Variants in SESTD1 observed in about 807,000 individuals in gnomAD.
SESTD1 encodes the protein SEC14 and spectrin domain containing 1, also known as SEC14 domain and spectrin repeat-containing protein 1.
In SESTD1, 43 loss-of-function variants were observed where a neutral mutation model predicts 101.7. That is an observed-to-expected ratio of 0.42 (90% CI 0.33 to 0.55). The LOEUF is 0.55. SESTD1 is among the 20% of genes least tolerant of loss of function. The pLI is 0.07. For synonymous variants in SESTD1, 283 were observed against 286.8 expected (o/e 0.99, Z 0.13); for missense variants, 647 against 815.1 (o/e 0.79, Z 2.51).
rs2044324968 is a variant in SESTD1 at position 179,103,874 on chromosome 2, A to G, written c.*6025T>C. 1 of 152,176 alleles carries G rather than the reference A, an allele frequency of 6.6e-6. No homozygotes were observed. The allele number at this position is 152,176 out of a possible 1,614,324, so 9.4% of individuals were successfully genotyped here. On this transcript the variant is annotated 3_prime_UTR_variant, in exon 18 of 18. Transcript: ENST00000428443. ...ATTTCTATGCACTTCATTGCATGCTAATTTTATGTAAAAAAGCCAACAATG... is the reference window on the plus strand; with the variant it reads ...ATTTCTATGCACTTCATTGCATGCTGATTTTATGTAAAAAAGCCAACAATG...
At position 179,102,763 on chromosome 2, in the gene SESTD1, G is replaced by C. The variant is rs2044299420; in HGVS notation, c.*7136C>G. On this transcript the variant is annotated 3_prime_UTR_variant, in exon 18 of 18. Coordinates refer to ENST00000428443, the MANE Select transcript of SESTD1 (RefSeq NM_178123.5). ...GAGTGGATAAGAGAGTCATCAGAGT[G>C]TGAAAAAACTACAGCTGGGTGGTAT... 6.6e-6 allele frequency: 1 copy of C among 152,054 alleles called. No homozygotes were observed. The highest frequency in any genetic ancestry group is 2.1e-4 in the South Asian group (1 of 4,830). The allele number at this position is 152,054 out of a possible 1,614,324, so 9.4% of individuals were successfully genotyped here.
intron 1 of SESTD1, among the ~76,000 whole-genome samples, chr2:179,197,507 T>A (rs1377505412): frequency 6.6e-6 from 1 of 151,966 alleles, no homozygotes; most frequent in Non-Finnish European, 1.5e-5. Context: ...CACGTAATTG[T>A]CAGATTCACC....
At chr2:179,190,961 T>A (rs539883372) in intron 2 of SESTD1, among the ~76,000 whole-genome samples, 7 of 152,198 alleles carry the variant, frequency 4.6e-5, no homozygotes, top group African/African-American at 1.7e-4. Flanking sequence ...AGAAAGCAGT[T>A]TGGAGACTTC....
chr2:179,234,511 C>A (rs2047034071), intron 1 of SESTD1, among the ~76,000 whole-genome samples: 1 of 152,184 alleles, frequency 6.6e-6, no homozygotes, highest in Admixed American at 6.5e-5. Flanking sequence ...GACGCAGTGG[C>A]TCACACCTGC....
chr2:179,167,662 C>G (rs1017204830), intron 5 of SESTD1, among the ~76,000 whole-genome samples: 1 of 152,182 alleles, frequency 6.6e-6, no homozygotes, highest in African/African-American at 2.4e-5. Context: ...ATAACATACA[C>G]AGAGGACCAA....
intron 1 of SESTD1, among the ~76,000 whole-genome samples, chr2:179,259,724 T>C (rs765286948): frequency 6.6e-6 from 1 of 152,146 alleles, no homozygotes; most frequent in African/African-American, 2.4e-5. Context: ...GGGTATTCAC[T>C]ACATGCAAAG....
chr2:179,206,504 CT>C (rs1370626517), intron 1 of SESTD1, among the ~76,000 whole-genome samples: 2 of 135,658 alleles, frequency 1.5e-5, no homozygotes, highest in African/African-American at 5.8e-5. Flanking sequence ...GTAGGCACTC[CT>C]GGTCCCCAGC....
At position 179,250,556 on chromosome 2, in the gene SESTD1, T is replaced by TACTGCC. The variant is rs557368901; in HGVS notation, c.-26+13937_-26+13942dup. Among the ~76,000 whole-genome samples, 241 of 152,330 alleles carry TACTGCC rather than the reference T, an allele frequency of 1.6e-3. 1 individual carries two copies. The highest frequency in any genetic ancestry group is 5.6e-3 in the African/African-American group (234 of 41,592). On this transcript the variant is annotated intron_variant, in intron 1 of 17. Coordinates refer to ENST00000428443, the MANE Select transcript of SESTD1 (RefSeq NM_178123.5). ...GAGGCCTCTTACTTTGGCTTGCAGG[T>TACTGCC]ACTGCCTTTTCTCTGTGCCCTTTCA...
rs1248526863 is a variant in SESTD1 at position 179,208,022 on chromosome 2, A to G, written c.-25-16156T>C. ...ACGTCTCCAGAGAAATAGATATCAT[A>G]AAGAAAAGACAATCACAACACCTAG... On this transcript the variant is annotated intron_variant, in intron 1 of 17. Coordinates refer to ENST00000428443, the MANE Select transcript of SESTD1 (RefSeq NM_178123.5). 1.5e-5 allele frequency among the ~76,000 whole-genome samples: 2 copies of G among 134,768 alleles called. 1 individual carries two copies. The highest frequency in any genetic ancestry group is 5.9e-5 in the African/African-American group (2 of 34,068). 88.4% of individuals were successfully genotyped at this position (134,768 alleles called of 152,430 possible).
At chr2:179,263,670 G>A (rs1247335597) in intron 1 of SESTD1, among the ~76,000 whole-genome samples, 1 of 152,138 alleles carries the variant, frequency 6.6e-6, no homozygotes, top group Non-Finnish European at 1.5e-5. Context: ...AAAGCACCAA[G>A]AAAACCACGG....
chr2:179,252,555 A>G (rs2047333932), intron 1 of SESTD1, among the ~76,000 whole-genome samples: 2 of 152,160 alleles, frequency 1.3e-5, no homozygotes, highest in South Asian at 4.1e-4. Flanking sequence ...ACCTTCCTCT[A>G]TCAAAACAGA....
chr2:179,197,832 C>A (rs1258172610), intron 1 of SESTD1, among the ~76,000 whole-genome samples: 3 of 152,070 alleles, frequency 2.0e-5, no homozygotes, highest in Non-Finnish European at 4.4e-5. Flanking sequence ...AAAGGAACAA[C>A]CGGTACCAGC....
chr2:179,203,932 T>A (rs966429333), intron 1 of SESTD1, among the ~76,000 whole-genome samples: 1 of 133,996 alleles, frequency 7.5e-6, no homozygotes, highest in Non-Finnish European at 1.6e-5. Flanking sequence ...ATAAATAAAG[T>A]GAGGACAGTC....
chr2:179,229,476 C>G (rs946763587), intron 1 of SESTD1, among the ~76,000 whole-genome samples: 1 of 151,950 alleles, frequency 6.6e-6, no homozygotes, highest in Non-Finnish European at 1.5e-5. Context: ...GGTGGGACTT[C>G]TCAGCCTCCG....
intron 1 of SESTD1, among the ~76,000 whole-genome samples, chr2:179,193,899 C>T (rs2046353853): frequency 5.3e-5 from 8 of 152,182 alleles, no homozygotes; most frequent in Admixed American, 5.2e-4. Context: ...GACCCTTGCC[C>T]CAGTACTATT....
At chr2:179,253,476 C>T (rs1041644976) in intron 1 of SESTD1, among the ~76,000 whole-genome samples, 3 of 152,074 alleles carry the variant, frequency 2.0e-5, no homozygotes, top group Admixed American at 6.6e-5. Context: ...TATATTGGGA[C>T]GTTGTACTAT....
At chr2:179,205,795 A>C (rs1050570796) in intron 1 of SESTD1, among the ~76,000 whole-genome samples, 1 of 130,442 alleles carries the variant, frequency 7.7e-6, no homozygotes, top group African/African-American at 3.4e-5. Context: ...AGAGATGAAA[A>C]CAATTGTATT....
Position 179,104,818 on chromosome 2 carries a change from T to C in SESTD1, c.*5081A>G, listed in dbSNP as rs1288833332. ...AAAAAATCTTTAAAAATGTGCCCACTGCTTTCAAAATATTTCATCATAGTT... is the reference window on the plus strand; with the variant it reads ...AAAAAATCTTTAAAAATGTGCCCACCGCTTTCAAAATATTTCATCATAGTT... On this transcript the variant is annotated 3_prime_UTR_variant, in exon 18 of 18. Transcript: ENST00000428443. The C allele has an allele frequency of 1.3e-5, 2 of 152,166 alleles. No homozygotes were observed. Among genetic ancestry groups the C allele is most frequent in the Non-Finnish European group, 2.9e-5 (2 of 68,022 alleles). The allele number at this position is 152,166 out of a possible 1,614,324, so 9.4% of individuals were successfully genotyped here.
chr2:179,152,123 CATATGGAAATGTGAATTTATTA>C (rs1384526644), intron 5 of SESTD1, among the ~76,000 whole-genome samples: 4 of 152,018 alleles, frequency 2.6e-5, no homozygotes, highest in Non-Finnish European at 4.4e-5. Context: ...TACTAAATGA[CATATGGAAATGTGAATTTATTA>C]AAAATGACTT....
Sources: gnomAD v4.1 joint callset for allele counts (sites outside exome capture counted in the v4.1 genomes callset) on GRCh38, gnomAD v4.1.1 for gene constraint, MANE v1.5 for transcripts, NCBI Gene and HGNC (gene_info 2026-07-23, HGNC 2026-07-21) for gene names.